Variants in SUSD6 observed in about 807,000 individuals in gnomAD.
SUSD6 encodes the protein sushi domain-containing protein 6.
In SUSD6, 16 loss-of-function variants were observed where a neutral mutation model predicts 28.4. The ratio of observed to expected loss-of-function variants is 0.56; its 90% CI spans 0.38 to 0.86. SUSD6 has a LOEUF of 0.86. Ranked by LOEUF, SUSD6 falls within the 40% of genes least tolerant of loss-of-function variation. SUSD6 has a pLI of 0.00. For missense variants in SUSD6, 341 were observed against 384.2 expected (o/e 0.89, Z 0.94); for synonymous variants, 147 against 159.6 (o/e 0.92, Z 0.59).
intron 4 of SUSD6, among the ~76,000 whole-genome samples, chr14:69,707,173 A>G (rs1235551674): frequency 6.6e-6 from 1 of 152,202 alleles, no homozygotes; most frequent in Admixed American, 6.5e-5. Context: ...ATATTTTTGG[A>G]TAGTTAGGAA....
At chr14:69,667,370 CTTTTTTT>C (rs10611584) in intron 2 of SUSD6, among the ~76,000 whole-genome samples, 9 of 73,306 alleles carry the variant, frequency 1.2e-4, no homozygotes, top group African/African-American at 2.6e-4. Flanking sequence ...CTCACAGTTT[CTTTTTTT>C]TTTTTTTTTT....
intron 2 of SUSD6, among the ~76,000 whole-genome samples, chr14:69,681,851 G>C (rs1017718769): frequency 6.6e-6 from 1 of 152,144 alleles, no homozygotes; most frequent in Non-Finnish European, 1.5e-5. Context: ...AGGGCTTACG[G>C]CTAAAGAAGT....
intron 1 of SUSD6, among the ~76,000 whole-genome samples, chr14:69,656,853 GAC>G (rs1885590869): frequency 6.6e-6 from 1 of 152,200 alleles, no homozygotes; most frequent in South Asian, 2.1e-4. Context: ...GCACACATTC[GAC>G]ACACAGTTTT....
chr14:69,662,093 C>G (rs1885670687), intron 2 of SUSD6, among the ~76,000 whole-genome samples: 1 of 152,202 alleles, frequency 6.6e-6, no homozygotes, highest in African/African-American at 2.4e-5. Flanking sequence ...CTCCTTCTTG[C>G]ATTTCTTACC....
intron 1 of SUSD6, among the ~76,000 whole-genome samples, chr14:69,657,603 A>G (rs955392343): frequency 2.0e-5 from 3 of 152,238 alleles, no homozygotes; most frequent in African/African-American, 7.2e-5. Flanking sequence ...CTTAAAAAAA[A>G]GAAGTGTAAT....
Position 69,712,707 on chromosome 14 carries a change from C to T in SUSD6, c.*1728C>T, listed in dbSNP as rs542592362. On this transcript the variant is annotated 3_prime_UTR_variant, in exon 6 of 6. Transcript: ENST00000342745. ...TCCTGCCTCCGCGCTTACACACGCA[C>T]TTTACCACCCGGTCATTCCCTGGCC... The T allele has an allele frequency of 6.5e-6, 1 of 152,746 alleles. No individual in the cohort carries two copies. Among genetic ancestry groups the T allele is most frequent in the East Asian group, 1.9e-4 (1 of 5,188 alleles). The allele number at this position is 152,746 out of a possible 1,614,324, so 9.5% of individuals were successfully genotyped here. A position where few individuals can be genotyped will look rare whatever the true frequency, so the allele number is the denominator to read the frequency against.
chr14:69,617,078 GT>G (rs1442745678), intron 1 of SUSD6: 1 of 152,124 alleles, frequency 6.6e-6, no homozygotes, highest in Non-Finnish European at 1.5e-5. Flanking sequence ...TTAGCATAAT[GT>G]TTTTGAGGCT....
intron 1 of SUSD6, among the ~76,000 whole-genome samples, chr14:69,651,361 C>T (rs905794669): frequency 2.6e-5 from 4 of 151,986 alleles, no homozygotes; most frequent in Non-Finnish European, 5.9e-5. Flanking sequence ...AAGACAAGGG[C>T]GCAGGGAATA....
intron 2 of SUSD6, among the ~76,000 whole-genome samples, chr14:69,674,230 C>T (rs940702828): frequency 2.6e-5 from 4 of 152,186 alleles, no homozygotes; most frequent in Non-Finnish European, 5.9e-5. Flanking sequence ...GCTCTGGTTT[C>T]CAGGGTGCTC....
intron 2 of SUSD6, among the ~76,000 whole-genome samples, chr14:69,659,735 T>C (rs1168093367): frequency 2.0e-5 from 3 of 152,170 alleles, no homozygotes. Context: ...GCCAGGCTGG[T>C]CTTGAATTCC....
intron 1 of SUSD6, among the ~76,000 whole-genome samples, chr14:69,639,999 A>T (rs1885328484): frequency 9.1e-6 from 1 of 109,414 alleles, no homozygotes; most frequent in Admixed American, 1.4e-4. Flanking sequence ...AGTGTGCATT[A>T]GTCTCAGATT....
intron 3 of SUSD6, among the ~76,000 whole-genome samples, 163 bp from the exon 4 acceptor site, chr14:69,704,441 G>GTA (rs1338376359): frequency 1.3e-5 from 2 of 152,286 alleles, no homozygotes; most frequent in South Asian, 2.1e-4. Flanking sequence ...AAAGAACTGT[G>GTA]TATACATAGG....
At chr14:69,709,236 T>C in intron 5 of SUSD6, 132 bp downstream of exon 5, 2 of 843,166 alleles carry the variant, frequency 2.4e-6, no homozygotes, top group Non-Finnish European at 3.6e-6. Context: ...GGTATTTGCC[T>C]ACAAAATAGA....
In SUSD6 at chr14:69,627,141, A is replaced by C. The variant is rs77223668; in HGVS notation, c.-81+15313A>C. ...GAAACCCTCCCACCACCATGGTGGA[A>C]GTCCCTCTAAAACACAAGTTGTTCA... is the stretch of plus-strand genomic sequence containing the variant. On this transcript the variant is annotated intron_variant, in intron 1 of 5. Coordinates refer to ENST00000342745, the MANE Select transcript of SUSD6 (RefSeq NM_014734.4). Among the ~76,000 whole-genome samples, 26 of 152,352 alleles carry C rather than the reference A, an allele frequency of 1.7e-4. No homozygotes were observed. The East Asian group carries it at 3.3e-3, about 19-fold the overall frequency.
intron 1 of SUSD6, among the ~76,000 whole-genome samples, chr14:69,635,655 A>G (rs1885255582): frequency 6.8e-6 from 1 of 148,102 alleles, no homozygotes; most frequent in Admixed American, 6.8e-5. Context: ...TTTCACCTCC[A>G]CCCAGAGGTT....
intron 2 of SUSD6, among the ~76,000 whole-genome samples, chr14:69,661,955 A>G (rs1885668622): frequency 1.3e-5 from 2 of 152,070 alleles, no homozygotes; most frequent in Non-Finnish European, 2.9e-5. Context: ...ATGCACCACC[A>G]TGCCCAGTTA....
In SUSD6 at chr14:69,658,538, G is replaced by A; in HGVS notation, c.-55G>A. On this transcript the variant is annotated 5_prime_UTR_variant, in exon 2 of 6. Transcript: ENST00000342745. ...GTGAATCAGCTCCCGGCCGACTTTA[G>A]GATTCTTCTGGATTTTAAATTTTTT... is the stretch of plus-strand genomic sequence containing the variant. 6.3e-7 allele frequency: 1 copy of A among 1,599,328 alleles called. No homozygotes were observed. Among genetic ancestry groups the A allele is most frequent in the Non-Finnish European group, 8.6e-7 (1 of 1,169,330 alleles).
Position 69,704,686 on chromosome 14 carries a change from C to T in SUSD6, c.402C>T (p.Leu134=). 1 of 1,614,206 alleles carries T rather than the reference C, an allele frequency of 6.2e-7. No homozygotes were observed. Residue 134 remains leucine, a synonymous_variant, in exon 4 of 6, where the codon CTC becomes CTT. Coordinates refer to ENST00000342745, the MANE Select transcript of SUSD6 (RefSeq NM_014734.4). ...STASSVALIL[L]LVVLFVLLQP... is the part of the protein sequence containing the mutation. ...CCAGCTCCGTGGCGCTCATTCTCCT[C>T]CTCGTGGTGCTGTTTGTGCTGCTGC...
intron 1 of SUSD6, among the ~76,000 whole-genome samples, chr14:69,616,345 A>G (rs1884959717): frequency 6.6e-6 from 1 of 152,216 alleles, no homozygotes; most frequent in African/African-American, 2.4e-5. Context: ...GCCTTCACCC[A>G]CAGAAATTTA....
Sources: allele counts gnomAD v4.1 joint callset (sites outside exome capture counted in the v4.1 genomes callset), GRCh38; gene constraint gnomAD v4.1.1; transcripts MANE v1.5; gene names NCBI Gene and HGNC (gene_info 2026-07-23, HGNC 2026-07-21).